Variants in CACNA2D3 observed in about 807,000 individuals in gnomAD.
The protein encoded by CACNA2D3 is calcium voltage-gated channel auxiliary subunit alpha2delta 3, also known as voltage-dependent calcium channel subunit alpha-2/delta-3.
CACNA2D3 carries 60 observed loss-of-function variants against 160.6 expected under a neutral mutation model. The observed-to-expected ratio is 0.37, with a 90% CI of 0.30 to 0.46. The LOEUF (loss-of-function observed/expected upper bound fraction) is 0.46. CACNA2D3 is among the 20% of genes least tolerant of loss of function. The pLI is 1.00. For synonymous variants in CACNA2D3, 558 were observed against 492.9 expected, an observed-to-expected ratio of 1.13 and a Z score of -1.75; for missense variants, 1,205 against 1,365.0, an observed-to-expected ratio of 0.88 and a Z score of 1.85.
chr3:54,240,627 A>G (rs1055357410), intron 2 of CACNA2D3, among the ~76,000 whole-genome samples: 9 of 152,228 alleles, frequency 5.9e-5, no homozygotes, highest in Admixed American at 3.3e-4. Flanking sequence ...TTTATGGTTC[A>G]TGATGTGATT....
At chr3:54,139,114 TCAGCACAGTTCCAGAGGA>T (rs977628219) in intron 2 of CACNA2D3, among the ~76,000 whole-genome samples, 7 of 152,162 alleles carry the variant, frequency 4.6e-5, no homozygotes, top group Admixed American at 1.3e-4. Flanking sequence ...AGCTCAAAGG[TCAGCACAGTTCCAGAGGA>T]CAGCACAGTT....
intron 3 of CACNA2D3, among the ~76,000 whole-genome samples, chr3:54,332,124 C>T (rs558299641): frequency 6.6e-6 from 1 of 152,226 alleles, no homozygotes; most frequent in South Asian, 2.1e-4. Flanking sequence ...GAGCATTAAG[C>T]CTTCATCAAC....
intron 11 of CACNA2D3, among the ~76,000 whole-genome samples, chr3:54,748,913 A>G: frequency 6.6e-6 from 1 of 152,188 alleles, no homozygotes; most frequent in Admixed American, 6.5e-5. Context: ...GAGCAATTTG[A>G]CTGTTGTTCA....
At chr3:54,907,675 A>G (rs1406087292) in intron 27 of CACNA2D3, among the ~76,000 whole-genome samples, 1 of 152,190 alleles carries the variant, frequency 6.6e-6, no homozygotes, top group African/African-American at 2.4e-5. Flanking sequence ...ATATCTTGAT[A>G]TGTTTTGTAT....
At chr3:54,844,044 A>T (rs900309140) in intron 16 of CACNA2D3, among the ~76,000 whole-genome samples, 8 of 152,122 alleles carry the variant, frequency 5.3e-5, no homozygotes, top group African/African-American at 1.9e-4. Context: ...AGCAGCACAG[A>T]GGTGGTCACT....
chr3:55,057,260 G>A (rs947787040), intron 35 of CACNA2D3, among the ~76,000 whole-genome samples: 1 of 152,096 alleles, frequency 6.6e-6, no homozygotes, highest in Non-Finnish European at 1.5e-5. Context: ...CCAGTCTCAG[G>A]TATGTCTTTA....
intron 15 of CACNA2D3, 121 bp downstream of exon 15, chr3:54,837,351 T>C (rs1386441523): frequency 4.9e-5 from 38 of 776,646 alleles, no homozygotes. Context: ...TTTTTCCTTA[T>C]TGTTTGATCT....
intron 11 of CACNA2D3, among the ~76,000 whole-genome samples, chr3:54,673,476 G>A (rs77497560): frequency 0.17 from 25,509 of 152,180 alleles, 2,448 homozygotes; most frequent in Non-Finnish European, 0.21. Context: ...GTGTTGCACA[G>A]AATGGATTTG....
intron 4 of CACNA2D3, among the ~76,000 whole-genome samples, chr3:54,442,908 G>A (rs1700166376): frequency 6.6e-6 from 1 of 152,192 alleles, no homozygotes; most frequent in African/African-American, 2.4e-5. Context: ...AATGGGGACA[G>A]AACTCAAGAT....
At chr3:55,051,887 CCTTT>C (rs1490902709) in intron 35 of CACNA2D3, among the ~76,000 whole-genome samples, 2 of 152,190 alleles carry the variant, frequency 1.3e-5, no homozygotes, top group African/African-American at 4.8e-5. Flanking sequence ...GTCTGTCACC[CCTTT>C]CTTTGAGTCA....
chr3:54,203,923 C>T (rs577476287), intron 2 of CACNA2D3, among the ~76,000 whole-genome samples: 4 of 151,900 alleles, frequency 2.6e-5, no homozygotes, highest in African/African-American at 7.2e-5. Context: ...AACATTTGGG[C>T]GCGAAAGCAA....
chr3:54,673,279 A>G (rs1168018503), intron 11 of CACNA2D3, among the ~76,000 whole-genome samples: 1 of 152,218 alleles, frequency 6.6e-6, no homozygotes, highest in Admixed American at 6.5e-5. Flanking sequence ...GTGGGTGTAG[A>G]AAAGATTATT....
At chr3:55,011,878 T>C (rs1186225390) in intron 34 of CACNA2D3, among the ~76,000 whole-genome samples, 2 of 152,136 alleles carry the variant, frequency 1.3e-5, no homozygotes, top group Non-Finnish European at 2.9e-5. Context: ...ACCATTCGCT[T>C]TTCTTATTTG....
intron 17 of CACNA2D3, among the ~76,000 whole-genome samples, chr3:54,860,548 C>T (rs1404028835): frequency 2.0e-5 from 3 of 152,216 alleles, no homozygotes; most frequent in Admixed American, 6.5e-5. Flanking sequence ...ATGTTATGTT[C>T]GTATATATTT....
At position 54,318,693 on chromosome 3, in the gene CACNA2D3, C is replaced by CTTTTT. The variant is rs376114168; in HGVS notation, c.205-1736_205-1732dup. 3.4e-3 allele frequency among the ~76,000 whole-genome samples: 445 copies of CTTTTT among 129,754 alleles called. 13 individuals carry two copies. The East Asian group carries it at 0.068, about 20-fold the overall frequency. 85.1% of individuals were successfully genotyped at this position (129,754 alleles called of 152,430 possible). A position where few individuals can be genotyped will look rare whatever the true frequency, so the allele number is the denominator to read the frequency against. Reference sequence around the variant, plus strand: ...CTGCCTGTAAGGGTAAGAGGAGTATCTTTTTTTTTTTTTTTTTCTGAGACA... The same window carrying CTTTTT: ...CTGCCTGTAAGGGTAAGAGGAGTATCTTTTTTTTTTTTTTTTTTTTTTCTGAGACA... On this transcript the variant is annotated intron_variant, in intron 2 of 37. Transcript: ENST00000474759.
chr3:54,502,543 G>A (rs1208431200), intron 4 of CACNA2D3, among the ~76,000 whole-genome samples: 2 of 152,012 alleles, frequency 1.3e-5, no homozygotes, highest in African/African-American at 4.8e-5. Context: ...TTTTCCATTA[G>A]CCTCTAGAGC....
At chr3:55,052,776 C>T (rs1037079445) in intron 35 of CACNA2D3, among the ~76,000 whole-genome samples, 17 of 152,014 alleles carry the variant, frequency 1.1e-4, no homozygotes, top group African/African-American at 2.4e-4. Context: ...TTCTGAAGTA[C>T]GCTTTGTCTA....
chr3:54,194,922 G>A (rs1297463159), intron 2 of CACNA2D3, among the ~76,000 whole-genome samples: 4 of 152,116 alleles, frequency 2.6e-5, no homozygotes, highest in African/African-American at 9.7e-5. Context: ...GACCATAGTA[G>A]GGCCCTCAAC....
chr3:54,177,366 A>G (rs908279257), intron 2 of CACNA2D3, among the ~76,000 whole-genome samples: 6 of 152,170 alleles, frequency 3.9e-5, no homozygotes, highest in Non-Finnish European at 8.8e-5. Flanking sequence ...ATTTGGCAGG[A>G]CGTCTTCAGT....
Sources: gnomAD v4.1 joint callset for allele counts (sites outside exome capture counted in the v4.1 genomes callset) on GRCh38, gnomAD v4.1.1 for gene constraint, MANE v1.5 for transcripts, NCBI Gene and HGNC (gene_info 2026-07-23, HGNC 2026-07-21) for gene names.